Variants in ATAD2 observed in about 807,000 individuals in gnomAD.
The protein encoded by ATAD2 is ATPase family AAA domain containing 2.
Under a neutral mutation model 168.9 loss-of-function variants are expected in ATAD2, and 62 were observed. The ratio of observed to expected loss-of-function variants is 0.37; its 90% CI spans 0.30 to 0.45. The LOEUF is 0.45. Ranked by LOEUF, ATAD2 falls within the 20% of genes least tolerant of loss-of-function variation. The pLI is 1.00. For synonymous variants in ATAD2, 613 were observed against 571.6 expected (o/e 1.07, Z -1.03); for missense variants, 1,419 against 1,667.8 (o/e 0.85, Z 2.60).
intron 1 of ATAD2, 102 bp downstream of exon 1, chr8:123,396,085 C>A: frequency 7.7e-7 from 1 of 1,304,150 alleles, no homozygotes; most frequent in South Asian, 1.5e-5. Flanking sequence ...CGACAACTGT[C>A]ACCCTGACCG....
intron 27 of ATAD2, 149 bp from the exon 28 acceptor site, chr8:123,321,324 A>G: frequency 1.5e-6 from 1 of 679,856 alleles, no homozygotes; most frequent in Non-Finnish European, 2.4e-6. Context: ...TTCAGTATTT[A>G]AGACTGCCAC....
Position 123,372,676 on chromosome 8 carries a change from TG to T in ATAD2, c.330del (p.Arg111AspfsTer16). On this transcript the variant is annotated frameshift_variant, in exon 3 of 28. Transcript: ENST00000287394. LOFTEE classifies it high-confidence loss of function. ...ANGRHFTRQL[A>X]RQQADKKKEE... ...TCTTTTTTTTTATCAGCCTGCTGTC[TG>T]GCCAACTGCCTATATTTTAAAAAAT... 2 of 1,588,990 alleles carry T rather than the reference TG, an allele frequency of 1.3e-6. No homozygotes were observed. The highest frequency in any genetic ancestry group is 1.8e-5 in the Admixed American group (1 of 55,884).
rs755490523 is a variant in ATAD2 at position 123,322,990 on chromosome 8, C to T, written c.4079G>A (p.Ser1360Asn). The change falls in exon 27 of 28, where the codon AGC becomes AAC. Residue 1360 changes from serine to asparagine, a missense_variant. Physicochemically the swap from Ser to Asn is conservative, Grantham distance 46 (BLOSUM62 1). Transcript: ENST00000287394. ...FQLENLYAVISQCIYRHRKDH... is the reference protein window; with the variant it reads ...FQLENLYAVINQCIYRHRKDH... ...CTTGCGATGCCGATAAATACATTGG[C>T]TGATTACTGCATACAAATTTTCCAA... 5.6e-6 allele frequency: 9 copies of T among 1,613,638 alleles called. No individual in the cohort carries two copies. The highest frequency in any genetic ancestry group is 6.8e-6 in the Non-Finnish European group (8 of 1,179,684).
At chr8:123,397,515 C>G (rs1366403406), upstream of ATAD2, among the ~76,000 whole-genome samples, 1 of 151,612 alleles carries the variant, frequency 6.6e-6, no homozygotes, top group East Asian at 1.9e-4. Context: ...TACTTGACTA[C>G]TTTGAAATAG....
In ATAD2 at chr8:123,340,900, C is replaced by T. The variant is rs566469402; in HGVS notation, c.2719-1454G>A. The stretch of plus-strand genomic sequence containing the variant: ...CCCAACATTGTAAATGCACTTAATG[C>T]GACTATACTATATGCTTAAAAAAAT... On this transcript the variant is annotated intron_variant, in intron 19 of 27. Coordinates refer to ENST00000287394, the MANE Select transcript of ATAD2 (RefSeq NM_014109.4). Among the ~76,000 whole-genome samples, 219 of 150,998 alleles carry T rather than the reference C, an allele frequency of 1.5e-3. 1 individual carries two copies. Among genetic ancestry groups the T allele is most frequent in the African/African-American group, 5.1e-3 (211 of 41,132 alleles).
chr8:123,358,249 T>C lies in ATAD2; in HGVS notation c.1383-513A>G, dbSNP rs552254548. On this transcript the variant is annotated intron_variant, in intron 11 of 27. Transcript: ENST00000287394. ...AGGCTGGAGCGCAGTGGCATGATCA[T>C]AGCTCACTACAACCTCAAATTCCTG... 3.9e-5 allele frequency among the ~76,000 whole-genome samples: 6 copies of C among 152,314 alleles called. 1 individual carries two copies. The highest frequency in any genetic ancestry group is 7.2e-5 in the African/African-American group (3 of 41,564).
intron 13 of ATAD2, among the ~76,000 whole-genome samples, chr8:123,349,662 C>T (rs1418083575): frequency 3.3e-5 from 5 of 151,996 alleles, no homozygotes; most frequent in Non-Finnish European, 5.9e-5. Context: ...GTTAGACCCC[C>T]CACAAATGAA....
Position 123,402,010 on chromosome 8 carries a change from G to T in ATAD2, c.-2281-835C>A, listed in dbSNP as rs542278991. ...GCAGCCTGTCTGTCCTTTGGTCCATGATGTACTCAGGAGAGCTCAAGTTTG... is the reference window on the plus strand; with the variant it reads ...GCAGCCTGTCTGTCCTTTGGTCCATTATGTACTCAGGAGAGCTCAAGTTTG... On this transcript the variant is annotated intron_variant, in intron 1 of 28. Transcript: ENST00000521903. The surrounding 1 kb of genome is among the most constrained non-coding windows in gnomAD (Gnocchi z 4.8). 2.7e-6 allele frequency: 4 copies of T among 1,457,178 alleles called. No homozygotes were observed. The East Asian group carries it at 9.1e-5, about 33-fold the overall frequency. 90.3% of individuals were successfully genotyped at this position (1,457,178 alleles called of 1,614,324 possible).
intron 11 of ATAD2, among the ~76,000 whole-genome samples, chr8:123,358,493 C>T (rs1047300532): frequency 8.6e-5 from 13 of 150,830 alleles, no homozygotes; most frequent in East Asian, 2.0e-4. Flanking sequence ...AACAGGTGCC[C>T]GCCACCATGC....
upstream of ATAD2, among the ~76,000 whole-genome samples, chr8:123,397,850 G>T (rs1209903017): frequency 6.6e-6 from 1 of 152,118 alleles, no homozygotes; most frequent in East Asian, 1.9e-4. Context: ...GATTAGGGAA[G>T]GTCTGGCTGA....
chr8:123,396,093 C>T (rs1425073513), intron 1 of ATAD2, 94 bp downstream of exon 1: 25 of 1,358,090 alleles, frequency 1.8e-5, no homozygotes, highest in Admixed American at 2.9e-5. Context: ...GTCACCCTGA[C>T]CGGCGCCGCC....
chr8:123,345,901 T>C (rs980452370), intron 18 of ATAD2, among the ~76,000 whole-genome samples, 185 bp downstream of exon 18: 4 of 152,158 alleles, frequency 2.6e-5, no homozygotes, highest in Admixed American at 2.0e-4. Context: ...CACAAAGATA[T>C]TAAGGGTGAA....
rs184985735 is a variant in ATAD2, at chr8:123,406,334, C to G, written c.-2281-5159G>C. Among the ~76,000 whole-genome samples the G allele has an allele frequency of 4.4e-3, 611 of 138,402 alleles. 8 individuals are homozygous for G. Among genetic ancestry groups the G allele is most frequent in the Admixed American group, 0.028 (368 of 12,920 alleles). 90.8% of individuals were successfully genotyped at this position (138,402 alleles called of 152,430 possible). On this transcript the variant is annotated intron_variant, in intron 1 of 28. Coordinates refer to the ATAD2 transcript ENST00000521903. ...AGAGGTTGCAGTGAGCCCAGAAGAT[C>G]ACACCACTGCACTCCAGCCTGGGGG...
At chr8:123,394,587 A>G (rs892687408) in intron 1 of ATAD2, among the ~76,000 whole-genome samples, 11 of 151,780 alleles carry the variant, frequency 7.2e-5, no homozygotes, top group African/African-American at 2.7e-4. Flanking sequence ...GTGAGCCGAG[A>G]TCACACCAGT....
intron 14 of ATAD2, among the ~76,000 whole-genome samples, chr8:123,349,061 C>T (rs1216890773): frequency 6.6e-6 from 1 of 152,108 alleles, no homozygotes. Context: ...CTTAGAACAT[C>T]CAAAGGCTAC....
chr8:123,400,264 G>A (rs1016251348), upstream of ATAD2, among the ~76,000 whole-genome samples: 3 of 152,208 alleles, frequency 2.0e-5, no homozygotes, highest in Non-Finnish European at 4.4e-5. The surrounding 1 kb of genome is among the most constrained non-coding windows in gnomAD (Gnocchi z 4.5). Flanking sequence ...AATTGGCAGG[G>A]TTTTCCAGAG....
rs141757094 is a variant in ATAD2, at chr8:123,396,319, G to A, written c.39C>T (p.His13=). Residue 13 remains histidine, a synonymous_variant, in exon 1 of 28, where the codon CAC becomes CAT. Transcript: ENST00000287394. ...VLRSSLELHN[H]SAASATGSLD... ...AGGAGCCCGTGGCCGAGGCCGCGGAGTGGTTGTGCAGCTCCAAGCTGCTGC... is the reference window on the plus strand; with the variant it reads ...AGGAGCCCGTGGCCGAGGCCGCGGAATGGTTGTGCAGCTCCAAGCTGCTGC... The A allele has an allele frequency of 3.5e-5, 56 of 1,608,034 alleles. No individual in the cohort carries two copies. The African/African-American group carries it at 6.7e-4, about 19-fold the overall frequency.
chr8:123,348,539 T>G (rs2131332478), intron 14 of ATAD2, among the ~76,000 whole-genome samples: 1 of 152,228 alleles, frequency 6.6e-6, no homozygotes, highest in East Asian at 1.9e-4. Flanking sequence ...TAGCTGGGCG[T>G]GGTAGCATGT....
At chr8:123,339,283 A>G (rs767922356) in intron 20 of ATAD2, 28 bp downstream of exon 20, 2 of 1,469,728 alleles carry the variant, frequency 1.4e-6, no homozygotes, top group East Asian at 2.3e-5. Context: ...CAAAATTATT[A>G]AATATTAACT....
Sources: allele counts gnomAD v4.1 joint callset (sites outside exome capture counted in the v4.1 genomes callset), GRCh38; gene constraint gnomAD v4.1.1; non-coding constraint Gnocchi (gnomAD v3.1); transcripts MANE v1.5; gene names NCBI Gene and HGNC (gene_info 2026-07-23, HGNC 2026-07-21).